Variants in MAPK10 observed in about 807,000 individuals in gnomAD.
MAPK10 encodes the protein mitogen-activated protein kinase 10.
MAPK10 carries 25 observed loss-of-function variants against 59.3 expected under a neutral mutation model. The ratio of observed to expected loss-of-function variants is 0.42; its 90% CI spans 0.31 to 0.59. MAPK10 has a LOEUF of 0.59. Ranked by LOEUF, MAPK10 falls within the 20% of genes least tolerant of loss-of-function variation. The pLI is 0.15. For synonymous variants in MAPK10, 190 were observed against 200.5 expected (o/e 0.95, Z 0.44); for missense variants, 351 against 568.9 (o/e 0.62, Z 3.90).
At chr4:86,438,626 G>A (rs1749055801) in intron 1 of MAPK10, among the ~76,000 whole-genome samples, 1 of 150,824 alleles carries the variant, frequency 6.6e-6, no homozygotes, top group Non-Finnish European at 1.5e-5. Flanking sequence ...GGAGGTGGAG[G>A]TTGCAGTGAG....
rs945615076 is a variant in MAPK10, at chr4:86,015,474, C to A, written c.*1754G>T. ...TGAAATATCACCACTCTAGTGAGCACCAACATGGTCAGAGTGCAAATAACT... is the reference window on the plus strand; with the variant it reads ...TGAAATATCACCACTCTAGTGAGCAACAACATGGTCAGAGTGCAAATAACT... On this transcript the variant is annotated 3_prime_UTR_variant, in exon 14 of 14. Transcript: ENST00000641462. 1 of 152,154 alleles carries A rather than the reference C, an allele frequency of 6.6e-6. No homozygotes were observed. Among genetic ancestry groups the A allele is most frequent in the Non-Finnish European group, 1.5e-5 (1 of 68,048 alleles). The allele number at this position is 152,154 out of a possible 1,614,324, so 9.4% of individuals were successfully genotyped here. A position where few individuals can be genotyped will look rare whatever the true frequency, so the allele number is the denominator to read the frequency against.
chr4:86,435,152 G>A (rs1748547177), intron 1 of MAPK10, among the ~76,000 whole-genome samples: 2 of 151,874 alleles, frequency 1.3e-5, no homozygotes, highest in Admixed American at 1.3e-4. Flanking sequence ...GGATGAAAGG[G>A]AAAAAAAGAA....
intron 4 of MAPK10, among the ~76,000 whole-genome samples, chr4:86,111,649 T>C (rs1385298031): frequency 6.6e-6 from 1 of 152,214 alleles, no homozygotes; most frequent in African/African-American, 2.4e-5. Flanking sequence ...TTGAGGATTT[T>C]TGCATCAATG....
chr4:86,049,162 A>G (rs1233400739), intron 11 of MAPK10, among the ~76,000 whole-genome samples: 1 of 152,072 alleles, frequency 6.6e-6, no homozygotes, highest in Non-Finnish European at 1.5e-5. Context: ...CCAATTAATT[A>G]ACATGCCCAC....
chr4:86,586,684 C>T (rs188642056), intron 1 of MAPK10, among the ~76,000 whole-genome samples: 28 of 152,242 alleles, frequency 1.8e-4, no homozygotes, highest in African/African-American at 5.1e-4. Context: ...TGTTTTGGTT[C>T]GGGTAGAGCC....
intron 9 of MAPK10, among the ~76,000 whole-genome samples, chr4:86,076,028 G>A (rs750789510): frequency 1.3e-5 from 2 of 151,970 alleles, no homozygotes; most frequent in African/African-American, 2.4e-5. Context: ...TCAGACTGCT[G>A]TGCTAGCAAT....
intron 2 of MAPK10, among the ~76,000 whole-genome samples, chr4:86,349,577 G>C (rs72868828): frequency 4.6e-4 from 70 of 152,326 alleles, no homozygotes; most frequent in African/African-American, 1.7e-3. Context: ...CAGTGAGGTA[G>C]ATAATGCACA....
intron 3 of MAPK10, among the ~76,000 whole-genome samples, chr4:86,174,213 C>G (rs1256633459): frequency 1.3e-5 from 2 of 151,988 alleles, no homozygotes; most frequent in African/African-American, 4.8e-5. Context: ...AAAGACATGA[C>G]AAACCCAAAT....
intron 4 of MAPK10, among the ~76,000 whole-genome samples, chr4:86,129,720 A>G (rs913475561): frequency 1.3e-5 from 2 of 152,070 alleles, no homozygotes; most frequent in Non-Finnish European, 2.9e-5. Context: ...ACTGACCCCA[A>G]ATGGATTTCC....
intron 1 of MAPK10, among the ~76,000 whole-genome samples, chr4:86,367,949 G>A (rs1035204470): frequency 4.6e-5 from 7 of 151,952 alleles, no homozygotes; most frequent in African/African-American, 1.5e-4. Flanking sequence ...TAAATTAAAG[G>A]TGCTGAGAAG....
intron 9 of MAPK10, among the ~76,000 whole-genome samples, chr4:86,076,458 C>T (rs1277150107): frequency 2.0e-5 from 3 of 152,120 alleles, no homozygotes; most frequent in African/African-American, 7.2e-5. Context: ...CTAACATAAA[C>T]GAAGACTGGA....
At chr4:86,427,050 G>T (rs1162939450) in intron 1 of MAPK10, among the ~76,000 whole-genome samples, 1 of 151,924 alleles carries the variant, frequency 6.6e-6, no homozygotes, top group African/African-American at 2.4e-5. Context: ...GAGGTCAAGA[G>T]ATCGAGACCA....
chr4:86,338,251 T>A lies in MAPK10; in HGVS notation c.-7+16279A>T, dbSNP rs185344085. 1.0e-3 allele frequency among the ~76,000 whole-genome samples: 158 copies of A among 152,266 alleles called. 1 individual carries two copies. The highest frequency in any genetic ancestry group is 3.6e-3 in the African/African-American group (149 of 41,526). The stretch of plus-strand genomic sequence containing the variant: ...ACATTCCTAAGTACTAATAAAGGCA[T>A]CTAGGTCGTTGTCCAAAACACTAAA... On this transcript the variant is annotated intron_variant, in intron 2 of 13. Transcript: ENST00000641462.
rs528896172 is a variant in MAPK10 at position 86,352,240 on chromosome 4, T to C, written c.-7+2290A>G. The C allele has an allele frequency of 3.9e-5, 6 of 152,058 alleles. No individual in the cohort carries two copies. In the East Asian group the frequency reaches 7.7e-4, roughly 20 times the overall value. 9.4% of individuals were successfully genotyped at this position (152,058 alleles called of 1,614,324 possible). A position where few individuals can be genotyped will look rare whatever the true frequency, so the allele number is the denominator to read the frequency against. ...ATATCAGAAACTATGAGAACTAATA[T>C]ATATAAACATAAAAATGATATTATA... On this transcript the variant is annotated intron_variant, in intron 2 of 13. Transcript: ENST00000641462.
intron 1 of MAPK10, among the ~76,000 whole-genome samples, chr4:86,505,638 C>T (rs571904580): frequency 1.1e-4 from 16 of 152,126 alleles, no homozygotes; most frequent in Non-Finnish European, 2.1e-4. Context: ...TGAACTCCTG[C>T]GAAGACATGA....
chr4:86,571,301 A>G (rs1364074023), intron 1 of MAPK10, among the ~76,000 whole-genome samples: 2 of 147,412 alleles, frequency 1.4e-5, no homozygotes, highest in Non-Finnish European at 3.0e-5. Flanking sequence ...ATACATGTAT[A>G]TATATATTTA....
chr4:86,569,186 A>G (rs1410389431), intron 1 of MAPK10, among the ~76,000 whole-genome samples: 3 of 152,174 alleles, frequency 2.0e-5, no homozygotes, highest in Non-Finnish European at 4.4e-5. Flanking sequence ...CGGCCAATAA[A>G]CATATGAAAA....
intron 11 of MAPK10, among the ~76,000 whole-genome samples, chr4:86,061,261 A>G (rs959118864): frequency 9.2e-5 from 14 of 152,120 alleles, no homozygotes; most frequent in African/African-American, 2.9e-4. Flanking sequence ...TGTGTAATAT[A>G]TTTGCCCTCT....
At chr4:86,060,092 G>A (rs2045446979) in intron 11 of MAPK10, among the ~76,000 whole-genome samples, 1 of 152,118 alleles carries the variant, frequency 6.6e-6, no homozygotes, top group Admixed American at 6.5e-5. Flanking sequence ...ATCACCACTG[G>A]CCATGAAGCT....
Sources: gnomAD v4.1 joint callset for allele counts (sites outside exome capture counted in the v4.1 genomes callset) on GRCh38, gnomAD v4.1.1 for gene constraint, MANE v1.5 for transcripts, NCBI Gene and HGNC (gene_info 2026-07-23, HGNC 2026-07-21) for gene names.